AK5: variants seen among roughly 807,000 people sequenced by gnomAD.
AK5 encodes adenylate kinase 5.
Under a neutral mutation model 69.5 loss-of-function variants are expected in AK5, and 27 were observed. That is an observed-to-expected ratio of 0.39 (90% CI 0.29 to 0.54). AK5 has a LOEUF of 0.54. Ranked by LOEUF, AK5 falls within the 20% of genes least tolerant of loss-of-function variation. The probability of loss-of-function intolerance (pLI) is 0.71; values close to 1 mark genes in which losing one functional copy is unlikely to be tolerated. For missense variants in AK5, 531 were observed against 700.4 expected, an observed-to-expected ratio of 0.76 and a Z score of 2.73; for synonymous variants, 260 against 244.4, an observed-to-expected ratio of 1.06 and a Z score of -0.60.
At chr1:77,365,926 A>C (rs1346578541) in intron 6 of AK5, among the ~76,000 whole-genome samples, 1 of 152,142 alleles carries the variant, frequency 6.6e-6, no homozygotes, top group East Asian at 1.9e-4. Context: ...TATATAATTC[A>C]TGTTTCTTTT....
intron 13 of AK5, among the ~76,000 whole-genome samples, chr1:77,551,716 A>G (rs1191542137): frequency 6.6e-6 from 1 of 152,186 alleles, no homozygotes. Flanking sequence ...TTTAGAAGGC[A>G]GAATCCCTTC....
chr1:77,486,154 G>C (rs1655572825), intron 9 of AK5, among the ~76,000 whole-genome samples, 154 bp from the exon 10 acceptor site: 1 of 151,994 alleles, frequency 6.6e-6, no homozygotes, highest in South Asian at 2.1e-4. Flanking sequence ...ATGGTCATTG[G>C]TGCCTACTAA....
chr1:77,557,018 G>A (rs1188719651), intron 13 of AK5, among the ~76,000 whole-genome samples: 2 of 150,610 alleles, frequency 1.3e-5, no homozygotes, highest in African/African-American at 4.9e-5. Flanking sequence ...ATTTAGTTAA[G>A]CTCCCTCCTT....
chr1:77,308,691 A>T (rs758700326), intron 5 of AK5, among the ~76,000 whole-genome samples: 12 of 152,152 alleles, frequency 7.9e-5, no homozygotes, highest in Non-Finnish European at 1.3e-4. Flanking sequence ...GGATTTCCAT[A>T]GGGAGGTTTT....
Position 77,536,073 on chromosome 1 carries a change from G to T in AK5, c.1620+35G>T, listed in dbSNP as rs368038931. On this transcript the variant is annotated intron_variant, in intron 13 of 13. Coordinates refer to ENST00000354567, the MANE Select transcript of AK5 (RefSeq NM_174858.3). ...TTCACTTTCTCCTCTGAAATGAGCC[G>T]CTTACCTTTTTTTTTTTTTTCCAAG... 2.6e-6 allele frequency: 4 copies of T among 1,526,668 alleles called. No homozygotes were observed. The African/African-American group carries it at 4.2e-5, about 16-fold the overall frequency. The allele number at this position is 1,526,668 out of a possible 1,614,324, so 94.6% of individuals were successfully genotyped here.
chr1:77,374,418 C>CTTTTTT (rs34141642), intron 6 of AK5, among the ~76,000 whole-genome samples: 1 of 138,800 alleles, frequency 7.2e-6, no homozygotes. Flanking sequence ...TGAGGTAATG[C>CTTTTTT]TTTTTTTTTT....
At chr1:77,485,357 G>A (rs1472958745) in intron 9 of AK5, among the ~76,000 whole-genome samples, 1 of 152,142 alleles carries the variant, frequency 6.6e-6, no homozygotes, top group Non-Finnish European at 1.5e-5. Context: ...TAGAGTTGGG[G>A]CTTCACTCAG....
chr1:77,438,156 T>C (rs1317320469), intron 8 of AK5, among the ~76,000 whole-genome samples: 1 of 151,872 alleles, frequency 6.6e-6, no homozygotes, highest in African/African-American at 2.4e-5. Flanking sequence ...TAAGTAGCTT[T>C]GGAAACTAGC....
intron 10 of AK5, among the ~76,000 whole-genome samples, chr1:77,486,816 G>T (rs539285999): frequency 1.4e-4 from 21 of 152,222 alleles, no homozygotes; most frequent in African/African-American, 4.8e-4. Context: ...GTATGCAGTT[G>T]TATATTGCTT....
At chr1:77,370,840 C>T (rs979885528) in intron 6 of AK5, among the ~76,000 whole-genome samples, 1 of 152,198 alleles carries the variant, frequency 6.6e-6, no homozygotes, top group African/African-American at 2.4e-5. Context: ...CCCAGCTGCA[C>T]ATAGCTTCCA....
In AK5 at chr1:77,403,779, G is replaced by A. The variant is rs189296006; in HGVS notation, c.892-7202G>A. Among the ~76,000 whole-genome samples the A allele has an allele frequency of 2.2e-3, 334 of 152,254 alleles. 1 individual carries two copies. The highest frequency in any genetic ancestry group is 6.0e-3 in the South Asian group (29 of 4,816). ...GGCTTAGGATTGACTTGGCAATGCG[G>A]GCTCTTTTTTGATTCCATATGAACT... On this transcript the variant is annotated intron_variant, in intron 6 of 13. Coordinates refer to ENST00000354567, the MANE Select transcript of AK5 (RefSeq NM_174858.3).
intron 5 of AK5, among the ~76,000 whole-genome samples, chr1:77,298,391 T>G (rs1659131871): frequency 6.6e-6 from 1 of 152,064 alleles, no homozygotes; most frequent in African/African-American, 2.4e-5. Context: ...TTGCCAAAAT[T>G]TGAGTAGGCT....
At chr1:77,442,721 C>T (rs944237315) in intron 8 of AK5, among the ~76,000 whole-genome samples, 6 of 152,048 alleles carry the variant, frequency 3.9e-5, no homozygotes, top group Non-Finnish European at 2.9e-5. Context: ...AGGGGACAAG[C>T]GCTAAGGACT....
chr1:77,442,404 G>C (rs1283110574), intron 8 of AK5, among the ~76,000 whole-genome samples: 1 of 152,210 alleles, frequency 6.6e-6, no homozygotes, highest in Non-Finnish European at 1.5e-5. Context: ...CTGGGCTTAA[G>C]TGCTTGTGAG....
chr1:77,516,117 T>A (rs916334787), intron 10 of AK5, among the ~76,000 whole-genome samples: 17 of 152,238 alleles, frequency 1.1e-4, no homozygotes, highest in Admixed American at 5.2e-4. Context: ...AAAAATGTGC[T>A]AGAATATAGA....
chr1:77,532,304 AAGAGGCAGC>A (rs1219844621), intron 12 of AK5: 1 of 152,886 alleles, frequency 6.5e-6, no homozygotes, highest in African/African-American at 2.4e-5. Context: ...ACTAGATCCC[AAGAGGCAGC>A]AGAGGCAGCT....
intron 8 of AK5, among the ~76,000 whole-genome samples, chr1:77,425,246 A>T (rs1651119746): frequency 6.6e-6 from 1 of 152,220 alleles, no homozygotes; most frequent in Non-Finnish European, 1.5e-5. Flanking sequence ...TGTTGCCAGC[A>T]GACCTGCCTG....
At chr1:77,390,373 T>C (rs1403646256) in intron 6 of AK5, among the ~76,000 whole-genome samples, 1 of 152,240 alleles carries the variant, frequency 6.6e-6, no homozygotes, top group Non-Finnish European at 1.5e-5. Flanking sequence ...CATATTTCAC[T>C]ATGTGAAAAT....
chr1:77,499,355 A>C (rs1656559376), intron 10 of AK5, among the ~76,000 whole-genome samples: 1 of 151,868 alleles, frequency 6.6e-6, no homozygotes, highest in South Asian at 2.1e-4. Context: ...CTCAGGTGAT[A>C]TTTTTTCTCA....
Sources: allele counts gnomAD v4.1 joint callset (sites outside exome capture counted in the v4.1 genomes callset), GRCh38; gene constraint gnomAD v4.1.1; transcripts MANE v1.5; gene names NCBI Gene and HGNC (gene_info 2026-07-23, HGNC 2026-07-21).